The following B3GALT1 variants were observed in gnomAD, a reference collection of about 807,000 sequenced individuals.
B3GALT1 encodes the protein beta-1,3-galactosyltransferase 1.
Under a neutral mutation model 23.2 loss-of-function variants are expected in B3GALT1, and 10 were observed. The observed-to-expected ratio is 0.43, with a 90% CI of 0.27 to 0.73. B3GALT1 has a LOEUF of 0.73. Among genes scored for constraint, B3GALT1 ranks in the 30% least tolerant of loss-of-function variants. The pLI, the probability that B3GALT1 is intolerant of heterozygous loss-of-function variation, is 0.21. For missense variants in B3GALT1, 299 were observed against 405.4 expected (o/e 0.74, Z 2.25); for synonymous variants, 156 against 141.5 (o/e 1.10, Z -0.73).
chr2:167,447,845 G>A (rs1699025114), intron 1 of B3GALT1, among the ~76,000 whole-genome samples: 1 of 152,026 alleles, frequency 6.6e-6, no homozygotes, highest in Non-Finnish European at 1.5e-5. Flanking sequence ...TTCGGCTCTT[G>A]CTTGGTGGGC....
intron 1 of B3GALT1, among the ~76,000 whole-genome samples, chr2:167,327,666 A>G (rs1339175716): frequency 2.0e-5 from 3 of 152,158 alleles, no homozygotes; most frequent in Non-Finnish European, 4.4e-5. Flanking sequence ...GTCATCTGCA[A>G]AGAAGGACAG....
intron 3 of B3GALT1, among the ~76,000 whole-genome samples, chr2:167,783,386 T>G (rs1334976339): frequency 6.6e-6 from 1 of 152,084 alleles, no homozygotes. Context: ...CAATTATTAT[T>G]TCCTTGAGCC....
At chr2:167,580,293 C>T (rs1185188273) in intron 2 of B3GALT1, among the ~76,000 whole-genome samples, 1 of 152,130 alleles carries the variant, frequency 6.6e-6, no homozygotes, top group East Asian at 1.9e-4. Flanking sequence ...CTAAAATAAA[C>T]CCTATTGCTA....
intron 4 of B3GALT1, among the ~76,000 whole-genome samples, chr2:167,831,636 G>C (rs1349420192): frequency 6.6e-6 from 1 of 152,126 alleles, no homozygotes. Flanking sequence ...AGAGATGGGA[G>C]GGACGCTTTA....
At chr2:167,313,005 T>C (rs936507615) in intron 1 of B3GALT1, among the ~76,000 whole-genome samples, 4 of 152,114 alleles carry the variant, frequency 2.6e-5, no homozygotes, top group Non-Finnish European at 5.9e-5. Context: ...TCTATTTTAG[T>C]AGTTTTATTC....
At chr2:167,773,713 G>T (rs1265638372) in intron 3 of B3GALT1, among the ~76,000 whole-genome samples, 1 of 152,196 alleles carries the variant, frequency 6.6e-6, no homozygotes, top group Non-Finnish European at 1.5e-5. Flanking sequence ...TATACTTTCT[G>T]TGTTTCTCCC....
rs190295617 is a variant in B3GALT1 at position 167,476,940 on chromosome 2, G to A, written c.-510-13237G>A. On this transcript the variant is annotated intron_variant, in intron 1 of 4. Transcript: ENST00000392690. ...TCTCTTAAATAAGTATTGAAGTTCC[G>A]TAAATAATTCTGTCTGCAGAGGATA... Among the ~76,000 whole-genome samples the A allele has an allele frequency of 1.8e-4, 27 of 152,240 alleles. 1 individual carries two copies. In the East Asian group the frequency reaches 2.9e-3, roughly 16 times the overall value.
At chr2:167,594,505 AC>A (rs1684743091) in intron 2 of B3GALT1, among the ~76,000 whole-genome samples, 1 of 152,114 alleles carries the variant, frequency 6.6e-6, no homozygotes, top group African/African-American at 2.4e-5. Context: ...GGGTTTGAAA[AC>A]CACTTGCCCT....
chr2:167,739,856 C>T (rs1380733376), intron 3 of B3GALT1, among the ~76,000 whole-genome samples: 2 of 147,992 alleles, frequency 1.4e-5, no homozygotes, highest in Non-Finnish European at 3.0e-5. Flanking sequence ...TTTGGGAGGC[C>T]AATGCAGAAG....
intron 4 of B3GALT1, among the ~76,000 whole-genome samples, chr2:167,833,203 G>A (rs894044730): frequency 7.2e-5 from 11 of 152,240 alleles, no homozygotes; most frequent in East Asian, 1.9e-4. Flanking sequence ...CCAGAGTTTC[G>A]ATTCACTCTC....
At chr2:167,582,802 T>C (rs540444857) in intron 2 of B3GALT1, among the ~76,000 whole-genome samples, 1 of 152,150 alleles carries the variant, frequency 6.6e-6, no homozygotes, top group Non-Finnish European at 1.5e-5. Context: ...GAGGCTGATG[T>C]AATCCACGGT....
intron 4 of B3GALT1, among the ~76,000 whole-genome samples, chr2:167,825,470 G>GCGCGCA (rs1689200923): frequency 1.4e-5 from 2 of 139,290 alleles, no homozygotes; most frequent in African/African-American, 6.2e-5. Context: ...GCACGTGTGT[G>GCGCGCA]TGTGTGTTAT....
intron 1 of B3GALT1, among the ~76,000 whole-genome samples, chr2:167,340,776 A>G (rs1003280312): frequency 6.6e-6 from 1 of 152,214 alleles, no homozygotes; most frequent in Non-Finnish European, 1.5e-5. Flanking sequence ...CATATTTTAA[A>G]TTCACAATGT....
rs183401104 is a variant in B3GALT1 at position 167,358,920 on chromosome 2, G to A, written c.-511+65586G>A. Among the ~76,000 whole-genome samples the A allele has an allele frequency of 7.9e-5, 12 of 151,872 alleles. No individual in the cohort carries two copies. In the East Asian group the frequency reaches 1.2e-3, roughly 15 times the overall value. On this transcript the variant is annotated intron_variant, in intron 1 of 4. Transcript: ENST00000392690. ...TGGGTTCAAGCGATTCCACTGCCTC[G>A]CCTCCCAAGTAGCTGGGACTACAGG...
At chr2:167,460,651 C>G (rs1442921628) in intron 1 of B3GALT1, among the ~76,000 whole-genome samples, 2 of 151,474 alleles carry the variant, frequency 1.3e-5, no homozygotes, top group Non-Finnish European at 2.9e-5. Flanking sequence ...GCCATACTTT[C>G]TGGTTTCTTT....
rs547737511 is a variant in B3GALT1 at position 167,597,242 on chromosome 2, A to G, written c.-409-49667A>G. 6.6e-5 allele frequency among the ~76,000 whole-genome samples: 10 copies of G among 151,224 alleles called. 1 individual carries two copies. In the East Asian group the frequency reaches 1.8e-3, roughly 27 times the overall value. On this transcript the variant is annotated intron_variant, in intron 2 of 4. Coordinates refer to ENST00000392690, the MANE Select transcript of B3GALT1 (RefSeq NM_020981.4). ...GCCATTCTCCTGCCTCAGCCTCCCT[A>G]GTAGCTGGGACTACAGGCGCCAGCC...
intron 1 of B3GALT1, among the ~76,000 whole-genome samples, chr2:167,356,092 G>A (rs1168137462): frequency 6.6e-6 from 1 of 152,162 alleles, no homozygotes; most frequent in Non-Finnish European, 1.5e-5. Context: ...CCCAAGATTG[G>A]TTAAATCTCC....
rs147838598 is a variant in B3GALT1, at chr2:167,735,817, G to A, written c.-351-82855G>A. ...TTTTAAAAGATAGAAAAATAGAGGA[G>A]CAAGGTGATTGAGTAACTTGCCAAT... On this transcript the variant is annotated intron_variant, in intron 3 of 4. Transcript: ENST00000392690. 3.1e-3 allele frequency among the ~76,000 whole-genome samples: 465 copies of A among 152,258 alleles called. 6 individuals carry two copies. Among genetic ancestry groups the A allele is most frequent in the African/African-American group, 0.011 (447 of 41,550 alleles).
At position 167,512,622 on chromosome 2, in the gene B3GALT1, G is replaced by GTATATATATATACA. The variant is rs1491336747; in HGVS notation, c.-410+22346_-410+22347insATATATATATACAT. 2.6e-4 allele frequency among the ~76,000 whole-genome samples: 11 copies of GTATATATATATACA among 42,382 alleles called. 2 individuals are homozygous for GTATATATATATACA. The highest frequency in any genetic ancestry group is 2.3e-3 in the African/African-American group (11 of 4,850). 27.8% of individuals were successfully genotyped at this position (42,382 alleles called of 152,430 possible). On this transcript the variant is annotated intron_variant, in intron 2 of 4. Coordinates refer to ENST00000392690, the MANE Select transcript of B3GALT1 (RefSeq NM_020981.4). Reference sequence around the variant, plus strand: ...TATATATATATGTATATATATATACGTGTATATATATATACATATATATAT... The same window carrying GTATATATATATACA: ...TATATATATATGTATATATATATACGTATATATATATACATGTATATATATATACATATATATAT...
Sources: gnomAD v4.1 joint callset for allele counts (sites outside exome capture counted in the v4.1 genomes callset) on GRCh38, gnomAD v4.1.1 for gene constraint, MANE v1.5 for transcripts, NCBI Gene and HGNC (gene_info 2026-07-23, HGNC 2026-07-21) for gene names.